Variants in NCAM1 observed in about 807,000 individuals in gnomAD.
NCAM1 encodes the protein antigen recognized by monoclonal antibody 5.1H11.
Under a neutral mutation model 109.8 loss-of-function variants are expected in NCAM1, and 14 were observed. The ratio of observed to expected loss-of-function variants is 0.13; its 90% CI spans 0.08 to 0.20. NCAM1 has a LOEUF of 0.20. Ranked by LOEUF, NCAM1 falls within the 10% of genes least tolerant of loss-of-function variation. NCAM1 has a pLI of 1.00. For synonymous variants in NCAM1, 418 were observed against 442.9 expected, an observed-to-expected ratio of 0.94 and a Z score of 0.70; for missense variants, 774 against 1,109.9, an observed-to-expected ratio of 0.70 and a Z score of 4.30.
intron 1 of NCAM1, among the ~76,000 whole-genome samples, chr11:112,964,546 C>T (rs1565352106): frequency 6.6e-6 from 1 of 152,170 alleles, no homozygotes; most frequent in African/African-American, 2.4e-5. Context: ...AGCTACTTTA[C>T]AAAAGCTAAC....
chr11:113,198,893 G>A (rs1424756590), intron 1 of NCAM1, among the ~76,000 whole-genome samples: 1 of 152,154 alleles, frequency 6.6e-6, no homozygotes, highest in African/African-American at 2.4e-5. Context: ...TCATACAGTG[G>A]AGACAATAAT....
chr11:113,128,909 GT>G (rs199820102), intron 1 of NCAM1, among the ~76,000 whole-genome samples: 10,173 of 110,596 alleles, frequency 0.092, 431 homozygotes, highest in Middle Eastern at 0.12. Flanking sequence ...TTGTGAGGGT[GT>G]GTGTGTGTGT....
At position 113,232,743 on chromosome 11, in the gene NCAM1, T is replaced by C. The variant is rs1945047700; in HGVS notation, c.1451T>C (p.Phe484Ser). ...GTGACCCCAGACTCTGAGAATGATT[T>C]TGGGAACTACAACTGTACTGCAGTG... ...LEVTPDSEND[F>S]GNYNCTAVNR... The change falls in exon 12 of 20, where the codon TTT (phenylalanine) becomes TCT (serine). Residue 484 changes from phenylalanine (F) to serine (S), a missense_variant. Phe to Ser is a radical substitution (Grantham distance 155). Coordinates refer to ENST00000316851, the MANE Select transcript of NCAM1 (RefSeq NM_181351.5). 1 of 1,613,764 alleles carries C rather than the reference T, an allele frequency of 6.2e-7. No individual in the cohort carries two copies. Among genetic ancestry groups the C allele is most frequent in the African/African-American group, 1.3e-5 (1 of 74,924 alleles).
chr11:113,040,034 G>C (rs190148732), intron 1 of NCAM1, among the ~76,000 whole-genome samples: 2 of 152,118 alleles, frequency 1.3e-5, no homozygotes, highest in Non-Finnish European at 2.9e-5. Flanking sequence ...CCAGCTACTC[G>C]GGAGGCTGAG....
rs1953387615 is a variant in NCAM1, at chr11:113,049,432, A to T, written c.52+87768A>T. On this transcript the variant is annotated intron_variant, in intron 1 of 19. Transcript: ENST00000316851. ...CAGAAATTAGCCTATGTAATGTGTC[A>T]TCAGCTATCTTGCAGAGTGTTTTGC... 2.0e-5 allele frequency among the ~76,000 whole-genome samples: 3 copies of T among 152,182 alleles called. No homozygotes were observed. In the South Asian group the frequency reaches 6.2e-4, roughly 31 times the overall value.
At chr11:113,011,918 T>TTTCTTTCCTTCTTTCC (rs1199733603) in intron 1 of NCAM1, among the ~76,000 whole-genome samples, 4 of 151,944 alleles carry the variant, frequency 2.6e-5, no homozygotes, top group African/African-American at 9.7e-5. Context: ...AAAAATTTCT[T>TTTCTTTCCTTCTTTCC]TTCTTTCCTT....
intron 1 of NCAM1, among the ~76,000 whole-genome samples, chr11:113,104,206 G>GT (rs1491207301): frequency 7.3e-5 from 8 of 110,120 alleles, no homozygotes; most frequent in Non-Finnish European, 1.8e-5. Flanking sequence ...AGGAGGTGGG[G>GT]TGGGGGGGGG....
chr11:113,016,108 T>C (rs1381282630), intron 1 of NCAM1, among the ~76,000 whole-genome samples: 1 of 152,186 alleles, frequency 6.6e-6, no homozygotes, highest in African/African-American at 2.4e-5. Flanking sequence ...AATGGTTCAA[T>C]TTATGAAGCC....
chr11:113,136,018 A>G (rs536394087), intron 1 of NCAM1, among the ~76,000 whole-genome samples: 20 of 152,276 alleles, frequency 1.3e-4, no homozygotes, highest in African/African-American at 3.6e-4. Context: ...TGCACTTTAA[A>G]TTGAAATTAA....
At chr11:112,968,488 T>C (rs1950785242) in intron 1 of NCAM1, among the ~76,000 whole-genome samples, 1 of 152,218 alleles carries the variant, frequency 6.6e-6, no homozygotes. Context: ...CATCACGTTA[T>C]GGTTTACAAA....
chr11:113,104,214 G>C (rs1188369042), intron 1 of NCAM1, among the ~76,000 whole-genome samples: 3 of 125,664 alleles, frequency 2.4e-5, no homozygotes, highest in South Asian at 6.6e-4. Context: ...GGGTGGGGGG[G>C]GGGGCGGGGT....
chr11:113,208,602 C>T (rs1021489077), intron 7 of NCAM1, among the ~76,000 whole-genome samples: 8 of 152,032 alleles, frequency 5.3e-5, no homozygotes, highest in African/African-American at 1.9e-4. Context: ...TCAGCGGCGC[C>T]TTCCTTCACT....
In NCAM1 at chr11:113,277,699, C is replaced by G. The variant is rs1946425535; in HGVS notation, c.*2312C>G. ...TTTGGTTCTGATGGTTAGGAAGAAACAGGTCAGCCCTCAGATCACCTGGCC... is the reference window on the plus strand; with the variant it reads ...TTTGGTTCTGATGGTTAGGAAGAAAGAGGTCAGCCCTCAGATCACCTGGCC... On this transcript the variant is annotated 3_prime_UTR_variant, in exon 20 of 20. Transcript: ENST00000316851. 1 of 336,016 alleles carries G rather than the reference C, an allele frequency of 3.0e-6. No individual in the cohort carries two copies. The highest frequency in any genetic ancestry group is 4.8e-5 in the Admixed American group (1 of 20,666). The allele number at this position is 336,016 out of a possible 1,614,324, so 20.8% of individuals were successfully genotyped here.
chr11:113,031,261 A>G (rs1952704089), intron 1 of NCAM1, among the ~76,000 whole-genome samples: 1 of 152,212 alleles, frequency 6.6e-6, no homozygotes, highest in African/African-American at 2.4e-5. Flanking sequence ...GCTAACACTT[A>G]TATTTTCCTT....
chr11:113,082,227 G>A (rs189918208), intron 1 of NCAM1, among the ~76,000 whole-genome samples: 10 of 152,252 alleles, frequency 6.6e-5, no homozygotes, highest in African/African-American at 1.4e-4. Context: ...TGTTGGAAGC[G>A]AAAACAGACC....
chr11:113,157,842 T>C (rs1942470524), intron 1 of NCAM1, among the ~76,000 whole-genome samples: 1 of 152,130 alleles, frequency 6.6e-6, no homozygotes, highest in African/African-American at 2.4e-5. Context: ...TTCTCCTATC[T>C]ACTTCTGCAT....
intron 1 of NCAM1, among the ~76,000 whole-genome samples, chr11:113,048,502 T>A (rs1953348704): frequency 6.6e-6 from 1 of 152,242 alleles, no homozygotes; most frequent in Non-Finnish European, 1.5e-5. Flanking sequence ...TGGACACGGA[T>A]GTCAGCTCAC....
intron 1 of NCAM1, among the ~76,000 whole-genome samples, chr11:113,023,068 T>C (rs961596341): frequency 3.9e-5 from 6 of 152,168 alleles, no homozygotes; most frequent in African/African-American, 1.2e-4. Flanking sequence ...CTTACTACTA[T>C]GTAATAAGAA....
At position 113,207,458 on chromosome 11, in the gene NCAM1, C is replaced by T. The variant is rs146084574; in HGVS notation, c.746+80C>T. ...AAAGTCTGCTCCATGTTAGTGTCTGCGTGGAATGGATGTGGGCTTCTTAGG... is the reference window on the plus strand; with the variant it reads ...AAAGTCTGCTCCATGTTAGTGTCTGTGTGGAATGGATGTGGGCTTCTTAGG... On this transcript the variant is annotated intron_variant, in intron 6 of 19. Coordinates refer to ENST00000316851, the MANE Select transcript of NCAM1 (RefSeq NM_181351.5). 1,417 of 1,143,058 alleles carry T rather than the reference C, an allele frequency of 1.2e-3. 4 individuals are homozygous for T. The highest frequency in any genetic ancestry group is 1.6e-3 in the Non-Finnish European group (1,215 of 775,828). 70.8% of individuals were successfully genotyped at this position (1,143,058 alleles called of 1,614,324 possible).
Sources: gnomAD v4.1 joint callset for allele counts (sites outside exome capture counted in the v4.1 genomes callset) on GRCh38, gnomAD v4.1.1 for gene constraint, MANE v1.5 for transcripts, NCBI Gene and HGNC (gene_info 2026-07-23, HGNC 2026-07-21) for gene names.